Variants in MLF1 observed in about 807,000 individuals in gnomAD.
MLF1 encodes myeloid leukemia factor 1.
A neutral mutation model predicts 38.3 loss-of-function variants in MLF1; 37 were observed. The observed-to-expected ratio is 0.96, with a 90% CI of 0.74 to 1.27. The LOEUF is 1.27. Among genes scored for constraint, MLF1 ranks in the 50% most tolerant of loss-of-function variants. The probability of loss-of-function intolerance (pLI) is 0.00; values close to 1 mark genes in which losing one functional copy is unlikely to be tolerated. For synonymous variants in MLF1, 95 were observed against 106.5 expected, an observed-to-expected ratio of 0.89 and a Z score of 0.66; for missense variants, 331 against 349.2, an observed-to-expected ratio of 0.95 and a Z score of 0.42.
chr3:158,602,748 G>A (rs1719981183), intron 6 of MLF1, 59 bp from the exon 7 acceptor site: 2 of 1,535,544 alleles, frequency 1.3e-6, no homozygotes, highest in Non-Finnish European at 8.9e-7. Flanking sequence ...TGGGAGCAAG[G>A]CAGTTACTGA....
intron 1 of MLF1, among the ~76,000 whole-genome samples, chr3:158,587,691 A>G (rs964777128): frequency 2.0e-5 from 3 of 152,204 alleles, no homozygotes; most frequent in African/African-American, 7.2e-5. Context: ...GTCACTCCCA[A>G]AATTACATTT....
chr3:158,586,358 A>G (rs1717264932), intron 1 of MLF1, among the ~76,000 whole-genome samples: 1 of 152,230 alleles, frequency 6.6e-6, no homozygotes, highest in South Asian at 2.1e-4. Context: ...CTGTTCAGCT[A>G]CACTAGATGT....
At chr3:158,577,394 A>G (rs886379975) in intron 1 of MLF1, among the ~76,000 whole-genome samples, 1 of 152,230 alleles carries the variant, frequency 6.6e-6, no homozygotes, top group African/African-American at 2.4e-5. Context: ...CCAAATTGTC[A>G]TAGCTTGGCT....
intron 2 of MLF1, 107 bp downstream of exon 2, chr3:158,592,688 G>T: frequency 1.0e-6 from 1 of 952,958 alleles, no homozygotes; most frequent in Non-Finnish European, 1.5e-6. Context: ...TAATATTCTT[G>T]TTCTAGAAAT....
At chr3:158,598,360 G>A in intron 5 of MLF1, 152 bp downstream of exon 5, 1 of 788,976 alleles carries the variant, frequency 1.3e-6, no homozygotes, top group Non-Finnish European at 1.9e-6. Flanking sequence ...AGTCCTCACT[G>A]TGGAAACCAT....
At chr3:158,589,031 C>A in intron 1 of MLF1, 2 of 393,586 alleles carry the variant, frequency 5.1e-6, no homozygotes, top group South Asian at 3.8e-5. Context: ...AACTTCAAGA[C>A]TGCAGGCATT....
At chr3:158,601,673 C>G (rs1039230174) in intron 6 of MLF1, among the ~76,000 whole-genome samples, 3 of 152,116 alleles carry the variant, frequency 2.0e-5, no homozygotes, top group Non-Finnish European at 2.9e-5. Context: ...AGGAGAATCT[C>G]TTGAACCCGG....
At chr3:158,593,318 G>A in intron 2 of MLF1, 64 bp from the exon 3 acceptor site, 1 of 1,254,698 alleles carries the variant, frequency 8.0e-7, no homozygotes, top group Non-Finnish European at 1.1e-6. Context: ...CATTTAATTG[G>A]TAAATTGAGA....
rs1720451637 is a variant in MLF1, at chr3:158,605,994, G to A, written c.*792G>A. The A allele has an allele frequency of 1.1e-5, 2 of 183,660 alleles. No homozygotes were observed. The highest frequency in any genetic ancestry group is 8.9e-5 in the East Asian group (1 of 11,278). The allele number at this position is 183,660 out of a possible 1,614,324, so 11.4% of individuals were successfully genotyped here. A position where few individuals can be genotyped will look rare whatever the true frequency, so the allele number is the denominator to read the frequency against. ...AACATTCTGAAGCTGGAGAGTCCTTGGAGAAACTCTGCTCAGCTTTTTTGT... is the reference window on the plus strand; with the variant it reads ...AACATTCTGAAGCTGGAGAGTCCTTAGAGAAACTCTGCTCAGCTTTTTTGT... On this transcript the variant is annotated 3_prime_UTR_variant, in exon 8 of 8. Transcript: ENST00000466246.
chr3:158,593,501 C>T lies in MLF1; in HGVS notation c.240+75C>T. On this transcript the variant is annotated intron_variant, in intron 3 of 7. Coordinates refer to ENST00000466246, the MANE Select transcript of MLF1 (RefSeq NM_001369783.1). ...TTTATTTTTCATTAACTCAAGCTGA[C>T]TGAATTGGCATGCAGCCTCACTTCC... is the stretch of plus-strand genomic sequence containing the variant. The T allele has an allele frequency of 3.3e-6, 4 of 1,221,064 alleles. No individual in the cohort carries two copies. The South Asian group carries it at 4.2e-5, about 13-fold the overall frequency. The allele number at this position is 1,221,064 out of a possible 1,614,324, so 75.6% of individuals were successfully genotyped here.
chr3:158,596,769 T>C, intron 3 of MLF1, 93 bp from the exon 4 acceptor site: 2 of 702,726 alleles, frequency 2.8e-6, no homozygotes, highest in East Asian at 2.8e-5. Context: ...ACTAAATGAA[T>C]TGGAAAAAAA....
intron 1 of MLF1, among the ~76,000 whole-genome samples, chr3:158,589,707 C>T (rs1717843790): frequency 6.6e-6 from 1 of 152,168 alleles, no homozygotes; most frequent in Non-Finnish European, 1.5e-5. Context: ...TATTTAGAGA[C>T]TTAAAACAAC....
rs1560100795 is a variant in MLF1 at position 158,584,710 on chromosome 3, T to A, written c.48-7724T>A. 2.0e-5 allele frequency among the ~76,000 whole-genome samples: 3 copies of A among 151,410 alleles called. No individual in the cohort carries two copies. In the South Asian group the frequency reaches 6.3e-4, roughly 32 times the overall value. On this transcript the variant is annotated intron_variant, in intron 1 of 7. Coordinates refer to ENST00000466246, the MANE Select transcript of MLF1 (RefSeq NM_001369783.1). ...GTGTGTGTGTGTGTGTATACTTTTT[T>A]ATGTATATACCCCCCCCTACCAATA...
intron 1 of MLF1, among the ~76,000 whole-genome samples, chr3:158,586,931 A>G (rs1346926925): frequency 6.6e-6 from 1 of 152,254 alleles, no homozygotes; most frequent in Non-Finnish European, 1.5e-5. Context: ...CCAATAGGAC[A>G]TTGAAAATTA....
At chr3:158,585,052 A>G (rs902785204) in intron 1 of MLF1, among the ~76,000 whole-genome samples, 5 of 143,000 alleles carry the variant, frequency 3.5e-5, no homozygotes, top group African/African-American at 7.7e-5. Flanking sequence ...AAAAAAAAAA[A>G]AAAGAAAAAG....
At chr3:158,601,679 C>T (rs193192673) in intron 6 of MLF1, among the ~76,000 whole-genome samples, 2 of 152,154 alleles carry the variant, frequency 1.3e-5, no homozygotes, top group East Asian at 1.9e-4. Flanking sequence ...ATCTCTTGAA[C>T]CCGGAAGGCA....
intron 3 of MLF1, among the ~76,000 whole-genome samples, chr3:158,595,925 G>A (rs1167980159): frequency 6.6e-6 from 1 of 152,010 alleles, no homozygotes; most frequent in Non-Finnish European, 1.5e-5. Flanking sequence ...TTTATTTTCT[G>A]GTGAGTCTTC....
At chr3:158,572,891 G>C (rs1714759155) in intron 1 of MLF1, among the ~76,000 whole-genome samples, 2 of 151,696 alleles carry the variant, frequency 1.3e-5, no homozygotes. Flanking sequence ...GAGATGGAAA[G>C]AAGGCCCTTC....
chr3:158,583,279 A>G (rs1053645085), intron 1 of MLF1, among the ~76,000 whole-genome samples: 3 of 152,194 alleles, frequency 2.0e-5, no homozygotes, highest in Non-Finnish European at 4.4e-5. Context: ...AATCTCAGAA[A>G]TAAAGGAACC....
Sources: gnomAD v4.1 joint callset for allele counts (sites outside exome capture counted in the v4.1 genomes callset) on GRCh38, gnomAD v4.1.1 for gene constraint, MANE v1.5 for transcripts, NCBI Gene and HGNC (gene_info 2026-07-23, HGNC 2026-07-21) for gene names.